GGT1: variants seen among roughly 807,000 people sequenced by gnomAD.
The protein encoded by GGT1 is glutathione hydrolase 1 proenzyme.
A neutral mutation model predicts 56.0 loss-of-function variants in GGT1; 21 were observed. That is an observed-to-expected ratio of 0.38 (90% CI 0.27 to 0.54). GGT1 has a LOEUF of 0.54. Among genes scored for constraint, GGT1 ranks in the 20% least tolerant of loss-of-function variants. The pLI is 0.82. For synonymous variants in GGT1, 238 were observed against 342.6 expected, an observed-to-expected ratio of 0.69 and a Z score of 3.37; for missense variants, 466 against 787.0, an observed-to-expected ratio of 0.59 and a Z score of 4.88.
chr22:24,625,957 G>A (rs1475647565), intron 11 of GGT1, among the ~76,000 whole-genome samples: 5 of 148,044 alleles, frequency 3.4e-5, no homozygotes, highest in African/African-American at 7.7e-5. Flanking sequence ...CAACTAATCC[G>A]TGGGGTGTTG....
At chr22:24,588,550 C>G in the GGT1 span, 44 of 765,322 alleles carry the variant, frequency 5.7e-5, no homozygotes, top group Non-Finnish European at 7.5e-5. Context: ...CAGGCTGGTC[C>G]AGTCCCGCAG....
upstream of GGT1, among the ~76,000 whole-genome samples, chr22:24,591,349 G>T (rs541285772): frequency 6.6e-6 from 1 of 152,362 alleles, no homozygotes; most frequent in South Asian, 2.1e-4. Context: ...AAAGTGCTGG[G>T]ATTATAGGCG....
the GGT1 span, chr22:24,586,557 G>T: frequency 1.1e-6 from 1 of 941,896 alleles, no homozygotes; most frequent in Non-Finnish European, 1.6e-6. Context: ...TTGAGACAAA[G>T]TTTCGCTCTT....
upstream of GGT1, among the ~76,000 whole-genome samples, chr22:24,600,543 G>A (rs2045765695): frequency 1.3e-5 from 2 of 152,232 alleles, no homozygotes; most frequent in South Asian, 4.1e-4. Flanking sequence ...TTCAGTCTGT[G>A]TCCTGACATC....
At chr22:24,607,762 G>C in intron 1 of GGT1, 192 bp from the exon 2 acceptor site, 2 of 333,398 alleles carry the variant, frequency 6.0e-6, no homozygotes, top group Non-Finnish European at 1.2e-5. Context: ...GGCCGCTCCT[G>C]CTCCTTCCCT....
At chr22:24,591,581 C>T (rs535470298), upstream of GGT1, among the ~76,000 whole-genome samples, 96 of 152,300 alleles carry the variant, frequency 6.3e-4, 1 homozygote, top group South Asian at 0.016. Flanking sequence ...GGATAGGCCC[C>T]GGCTGGACCT....
intron 5 of GGT1, among the ~76,000 whole-genome samples, chr22:24,612,759 T>A (rs2046800898): frequency 6.6e-6 from 1 of 152,170 alleles, no homozygotes. Flanking sequence ...ACTCCTGACC[T>A]CAGGTGATCC....
At chr22:24,595,243 C>A (rs998300198) in intron 1 of GGT1, among the ~76,000 whole-genome samples, 16 of 152,168 alleles carry the variant, frequency 1.1e-4, no homozygotes, top group African/African-American at 2.4e-5. Flanking sequence ...GGGCCTAGAT[C>A]CTTGGATGGG....
At chr22:24,605,372 ATATAATAT>A (rs1372687102) in intron 1 of GGT1, among the ~76,000 whole-genome samples, 3 of 60,488 alleles carry the variant, frequency 5.0e-5, no homozygotes, top group African/African-American at 2.9e-4. Flanking sequence ...ATTATATATT[ATATAATAT>A]TATAATATGT....
upstream of GGT1, chr22:24,593,115 G>A: frequency 2.9e-6 from 3 of 1,027,574 alleles, no homozygotes; most frequent in Non-Finnish European, 3.5e-6. Context: ...GCCCCTAGTC[G>A]CCCCGCCTCC....
upstream of GGT1, among the ~76,000 whole-genome samples, chr22:24,601,194 CG>C (rs2045775678): frequency 6.7e-6 from 1 of 148,334 alleles, no homozygotes; most frequent in Non-Finnish European, 1.5e-5. Flanking sequence ...GGCCAGGCAC[CG>C]CTTGCATCTG....
the GGT1 span, chr22:24,589,691 G>T: frequency 9.4e-7 from 1 of 1,060,176 alleles, no homozygotes; most frequent in Non-Finnish European, 1.3e-6. Flanking sequence ...CTCAGACAGG[G>T]ACAGTGACTT....
In GGT1 at chr22:24,611,118, G is replaced by A. The variant is rs747307654; in HGVS notation, c.37G>A (p.Val13Met). 20 of 1,601,318 alleles carry A rather than the reference G, an allele frequency of 1.2e-5. No individual in the cohort carries two copies. The highest frequency in any genetic ancestry group is 4.5e-5 in the South Asian group (4 of 89,334). The change falls in exon 5 of 16, where the codon GTG (valine) becomes ATG (methionine). Residue 13 changes from valine (V) to methionine (M), a missense_variant. By Grantham distance (21) the Val-to-Met change is conservative. This residue lies in a region of GGT1 where 456 missense variants were observed against 716.7 expected (regional missense o/e 0.64). Coordinates refer to ENST00000400382, the MANE Select transcript of GGT1 (RefSeq NM_001288833.2). Reference sequence around the variant, plus strand: ...GTTAGTGGTGCTGGGCCTGCTGGCCGTGGTCCTGGTGCTGGTCATTGTCGG... The same window carrying A: ...GTTAGTGGTGCTGGGCCTGCTGGCCATGGTCCTGGTGCTGGTCATTGTCGG... ...KKLVVLGLLAVVLVLVIVGLC... is the reference protein window; with the variant it reads ...KKLVVLGLLAMVLVLVIVGLC...
At chr22:24,612,852 G>A (rs1211062970) in intron 5 of GGT1, among the ~76,000 whole-genome samples, 1 of 152,004 alleles carries the variant, frequency 6.6e-6, no homozygotes, top group Non-Finnish European at 1.5e-5. Context: ...TTAAGGTGGA[G>A]TCTTACTCTG....
upstream of GGT1, chr22:24,598,330 G>C (rs1011066875): frequency 6.6e-6 from 1 of 151,702 alleles, no homozygotes; most frequent in Non-Finnish European, 1.5e-5. Context: ...CCAGCTACTT[G>C]GGAGGCTGAG....
chr22:24,588,477 C>T, the GGT1 span: 1 of 772,562 alleles, frequency 1.3e-6, no homozygotes, highest in Non-Finnish European at 2.1e-6. Flanking sequence ...CCTCCCCCTC[C>T]TACCCCCCAA....
chr22:24,588,016 C>T, the GGT1 span, among the ~76,000 whole-genome samples: 2 of 152,258 alleles, frequency 1.3e-5, no homozygotes, highest in Non-Finnish European at 2.9e-5. Context: ...ACGGGTCACT[C>T]AGAGGGTGCA....
chr22:24,624,006 G>A, intron 11 of GGT1, 90 bp downstream of exon 11: 2 of 1,566,328 alleles, frequency 1.3e-6, no homozygotes, highest in Non-Finnish European at 8.6e-7. Context: ...CCTCACATAT[G>A]CTTTATGAAT....
chr22:24,624,083 A>C (rs2047597403), intron 11 of GGT1, 167 bp downstream of exon 11: 1 of 985,288 alleles, frequency 1.0e-6, no homozygotes, highest in African/African-American at 1.7e-5. Context: ...GGTGACCCCC[A>C]GTCTTGGCTT....
Sources: allele counts gnomAD v4.1 joint callset (sites outside exome capture counted in the v4.1 genomes callset), GRCh38; gene constraint gnomAD v4.1.1; regional missense constraint gnomAD v4.1.1; transcripts MANE v1.5; gene names NCBI Gene and HGNC (gene_info 2026-07-23, HGNC 2026-07-21).